The following SLC38A6 variants were observed in gnomAD, a reference collection of about 807,000 sequenced individuals.
SLC38A6 encodes solute carrier family 38 member 6, also known as N system amino acid transporter NAT-1.
A neutral mutation model predicts 65.0 loss-of-function variants in SLC38A6; 73 were observed. The ratio of observed to expected loss-of-function variants is 1.12; its 90% CI spans 0.93 to 1.37. The LOEUF (loss-of-function observed/expected upper bound fraction) is 1.37. Among genes scored for constraint, SLC38A6 ranks in the 40% most tolerant of loss-of-function variants. The pLI is 0.00. For missense variants in SLC38A6, 561 were observed against 531.1 expected, an observed-to-expected ratio of 1.06 and a Z score of -0.55; for synonymous variants, 183 against 178.8, an observed-to-expected ratio of 1.02 and a Z score of -0.19.
chr14:61,076,542 C>G (rs547601810), intron 15 of SLC38A6, among the ~76,000 whole-genome samples: 199 of 152,294 alleles, frequency 1.3e-3, no homozygotes, highest in Non-Finnish European at 2.1e-3. Context: ...AGAATAGAAA[C>G]TGAAGTTTGA....
At position 61,069,769 on chromosome 14, in the gene SLC38A6, G is replaced by A. The variant is rs571342037; in HGVS notation, c.1291-9041G>A. Among the ~76,000 whole-genome samples, 506 of 151,940 alleles carry A rather than the reference G, an allele frequency of 3.3e-3. 2 individuals carry two copies. The highest frequency in any genetic ancestry group is 5.7e-3 in the Non-Finnish European group (388 of 67,968). On this transcript the variant is annotated intron_variant, in intron 15 of 16. Coordinates refer to the SLC38A6 transcript ENST00000354886. ...TAATTTTGTATTCAGTTTTTGAGTG[G>A]GTAATGTGCACATGGTACAGATTTT...
At chr14:61,005,072 A>G (rs1056205479) in intron 3 of SLC38A6, among the ~76,000 whole-genome samples, 22 of 152,288 alleles carry the variant, frequency 1.4e-4, no homozygotes, top group South Asian at 6.2e-4. Flanking sequence ...TATAAACAGA[A>G]CCAAAGACAA....
chr14:61,035,775 T>C (rs1057085274), intron 6 of SLC38A6, among the ~76,000 whole-genome samples: 2 of 152,212 alleles, frequency 1.3e-5, no homozygotes, highest in African/African-American at 4.8e-5. Flanking sequence ...ATGAATTGTT[T>C]CTCCTTTGCA....
In SLC38A6 at chr14:61,037,649, T is replaced by A. The variant is rs1339188472; in HGVS notation, c.590T>A (p.Leu197Ter). Residue 197 changes from leucine to a stop codon, truncating the protein, a stop_gained, in exon 8 of 16, where the codon TTA becomes TAA. Transcript: ENST00000267488. LOFTEE classifies it high-confidence loss of function. ...GGCTTTCTTGGCTACACAAGTAGTT[T>A]ATCATTTTTCTTTATGATGTTCTTT... is the stretch of plus-strand genomic sequence containing the variant. ...KIGFLGYTSSLSFFFMMFFAL... is the reference protein window; with the variant it reads ...KIGFLGYTSS 1.9e-6 allele frequency: 3 copies of A among 1,594,742 alleles called. No individual in the cohort carries two copies. Among genetic ancestry groups the A allele is most frequent in the Non-Finnish European group, 2.6e-6 (3 of 1,167,562 alleles).
intron 3 of SLC38A6, among the ~76,000 whole-genome samples, chr14:61,009,360 AC>A (rs1435953692): frequency 1.3e-5 from 2 of 152,056 alleles, no homozygotes; most frequent in Admixed American, 1.3e-4. Context: ...TTGATTAGAA[AC>A]TTTTGCTTAG....
At chr14:61,000,641 A>G (rs998383633) in intron 3 of SLC38A6, among the ~76,000 whole-genome samples, 1 of 152,222 alleles carries the variant, frequency 6.6e-6, no homozygotes, top group Non-Finnish European at 1.5e-5. Context: ...TCCAAGGGAA[A>G]AAAAAAATTC....
chr14:61,076,545 A>C (rs2043425969), intron 15 of SLC38A6, among the ~76,000 whole-genome samples: 1 of 152,236 alleles, frequency 6.6e-6, no homozygotes, highest in Non-Finnish European at 1.5e-5. Flanking sequence ...ATAGAAACTG[A>C]AGTTTGACTA....
At chr14:61,054,131 G>T (rs1220656742), downstream of SLC38A6, among the ~76,000 whole-genome samples, 1 of 152,110 alleles carries the variant, frequency 6.6e-6, no homozygotes, top group Non-Finnish European at 1.5e-5. Context: ...TGAATAGTGA[G>T]TCTTTTCCCC....
rs555640162 is a variant in SLC38A6 at position 60,982,448 on chromosome 14, T to C, written c.106-60T>C. 5.0e-4 allele frequency: 789 copies of C among 1,576,508 alleles called. 1 individual carries two copies. Among genetic ancestry groups the C allele is most frequent in the Admixed American group, 1.7e-3 (93 of 54,008 alleles). On this transcript the variant is annotated intron_variant, in intron 1 of 15. Coordinates refer to ENST00000267488, the MANE Select transcript of SLC38A6 (RefSeq NM_153811.3). The stretch of plus-strand genomic sequence containing the variant: ...ATAATCTTTCATTTATGGAATTTCT[T>C]TACGAAATTTTAACTTCACCGTCCA...
rs116253161 is a variant in SLC38A6, at chr14:61,041,978, G to T, written c.625-1169G>T. On this transcript the variant is annotated intron_variant, in intron 8 of 15. Coordinates refer to ENST00000267488, the MANE Select transcript of SLC38A6 (RefSeq NM_153811.3). ...CTCATCGTTTTTTTTTGTTGTTGTT[G>T]TTTTTCTTTGAAAACCTATAAAGAT... 8.5e-3 allele frequency among the ~76,000 whole-genome samples: 1,292 copies of T among 151,674 alleles called. 22 individuals carry two copies. Among genetic ancestry groups the T allele is most frequent in the African/African-American group, 0.029 (1,218 of 41,398 alleles).
At chr14:61,014,823 CG>C (rs2039871136) in intron 3 of SLC38A6, among the ~76,000 whole-genome samples, 1 of 152,186 alleles carries the variant, frequency 6.6e-6, no homozygotes, top group Non-Finnish European at 1.5e-5. Flanking sequence ...TTAGGCTCCT[CG>C]GGGGTCAGGG....
At chr14:61,010,702 A>G (rs1432490231) in intron 3 of SLC38A6, among the ~76,000 whole-genome samples, 2 of 152,032 alleles carry the variant, frequency 1.3e-5, no homozygotes, top group Admixed American at 6.6e-5. Flanking sequence ...TAGATATGCG[A>G]CATTATTTCT....
chr14:61,006,283 C>T (rs1326193282), intron 3 of SLC38A6, among the ~76,000 whole-genome samples: 2 of 152,192 alleles, frequency 1.3e-5, no homozygotes, highest in African/African-American at 4.8e-5. Flanking sequence ...GACTTCGTGT[C>T]TAAAACATCA....
At chr14:61,082,468 AC>A (rs1268842772) in intron 16 of SLC38A6, among the ~76,000 whole-genome samples, 2 of 151,996 alleles carry the variant, frequency 1.3e-5, no homozygotes, top group Non-Finnish European at 2.9e-5. Context: ...GCCACCTCTT[AC>A]TTTTCCTCCA....
At chr14:60,982,278 T>A (rs1291719493) in intron 1 of SLC38A6, 1 of 572,570 alleles carries the variant, frequency 1.7e-6, no homozygotes. Context: ...CTGCCTGTCT[T>A]GTGTACTGGT....
chr14:61,075,391 C>A (rs1322574852), intron 15 of SLC38A6, among the ~76,000 whole-genome samples: 4 of 152,062 alleles, frequency 2.6e-5, no homozygotes, highest in African/African-American at 9.7e-5. Flanking sequence ...GCAGAGATGG[C>A]CAAGAAAAAA....
intron 12 of SLC38A6, chr14:61,048,297 G>A (rs1237386441): frequency 2.8e-6 from 1 of 361,336 alleles, no homozygotes; most frequent in Non-Finnish European, 5.4e-6. Flanking sequence ...CAGAATTAAA[G>A]GCAGGTTTCC....
intron 5 of SLC38A6, among the ~76,000 whole-genome samples, chr14:61,027,905 T>C (rs2040698776): frequency 6.6e-6 from 1 of 151,928 alleles, no homozygotes; most frequent in Non-Finnish European, 1.5e-5. Flanking sequence ...ACTAACATTC[T>C]CTAGAAAAGA....
rs1440086882 is a variant in SLC38A6, at chr14:61,006,344, A to G, written c.311-9560A>G. Among the ~76,000 whole-genome samples the G allele has an allele frequency of 1.1e-4, 16 of 152,364 alleles. No homozygotes were observed. The East Asian group carries it at 1.7e-3, about 17-fold the overall frequency. On this transcript the variant is annotated intron_variant, in intron 3 of 15. Transcript: ENST00000267488. Reference sequence around the variant, plus strand: ...TTGACAAATGAGATCTAATTAAACTAAAGAGCTTCTTCACAGCAAAAGAAA... The same window carrying G: ...TTGACAAATGAGATCTAATTAAACTGAAGAGCTTCTTCACAGCAAAAGAAA...
Sources: gnomAD v4.1 joint callset for allele counts (sites outside exome capture counted in the v4.1 genomes callset) on GRCh38, gnomAD v4.1.1 for gene constraint, MANE v1.5 for transcripts, NCBI Gene and HGNC (gene_info 2026-07-23, HGNC 2026-07-21) for gene names.